The following NUBPL variants were observed in gnomAD, a reference collection of about 807,000 sequenced individuals.
NUBPL encodes the protein NUBP iron-sulfur cluster assembly factor, mitochondrial.
Under a neutral mutation model 45.7 loss-of-function variants are expected in NUBPL, and 31 were observed. The ratio of observed to expected loss-of-function variants is 0.68; its 90% CI spans 0.51 to 0.92. The LOEUF (loss-of-function observed/expected upper bound fraction) is 0.92, where lower values mean the gene tolerates loss of function less well. Among genes scored for constraint, NUBPL ranks in the 40% least tolerant of loss-of-function variants. The pLI is 0.00. For missense variants in NUBPL, 401 were observed against 398.7 expected, an observed-to-expected ratio of 1.01 and a Z score of -0.05; for synonymous variants, 144 against 140.9, an observed-to-expected ratio of 1.02 and a Z score of -0.15.
At chr14:31,640,959 C>G (rs1231022201) in intron 4 of NUBPL, among the ~76,000 whole-genome samples, 1 of 140,038 alleles carries the variant, frequency 7.1e-6, no homozygotes, top group Non-Finnish European at 1.6e-5. Flanking sequence ...TTTTGTTTTT[C>G]TTTTTGTTTT....
intron 3 of NUBPL, among the ~76,000 whole-genome samples, chr14:31,587,983 G>T (rs1280529353): frequency 6.6e-6 from 1 of 152,104 alleles, no homozygotes; most frequent in African/African-American, 2.4e-5. Context: ...TATTTTTCCT[G>T]CTTCCGTGCA....
intron 10 of NUBPL, among the ~76,000 whole-genome samples, chr14:31,857,591 C>T (rs2040644826): frequency 6.6e-6 from 1 of 152,170 alleles, no homozygotes; most frequent in African/African-American, 2.4e-5. Context: ...CTCTTGAATG[C>T]TTTGCTGCTT....
chr14:31,850,381 C>T (rs1171129744), intron 10 of NUBPL, among the ~76,000 whole-genome samples, 180 bp downstream of exon 10: 2 of 152,150 alleles, frequency 1.3e-5, no homozygotes, highest in Non-Finnish European at 2.9e-5. Context: ...CCAGTGCTGG[C>T]TCTAAATTAT....
chr14:31,805,797 T>C (rs1191459085), intron 7 of NUBPL, among the ~76,000 whole-genome samples: 2 of 149,184 alleles, frequency 1.3e-5, no homozygotes, highest in Non-Finnish European at 1.5e-5. Flanking sequence ...AAAAAGTAAC[T>C]ATTGGGTATT....
chr14:31,734,179 C>T (rs765105504), intron 6 of NUBPL, among the ~76,000 whole-genome samples: 10 of 152,046 alleles, frequency 6.6e-5, no homozygotes, highest in East Asian at 1.9e-4. Context: ...TCTATGTTCA[C>T]GGGTGATGTT....
Position 31,564,411 on chromosome 14 carries a change from A to G in NUBPL, c.257-603A>G, listed in dbSNP as rs543509490. Among the ~76,000 whole-genome samples, 15 of 151,466 alleles carry G rather than the reference A, an allele frequency of 9.9e-5. No individual in the cohort carries two copies. The East Asian group carries it at 2.9e-3, about 30-fold the overall frequency. Reference sequence around the variant, plus strand: ...TTTATTTTTAAAAGGCAGTAGGGGCAGGATGCGGTGGCTCATGCCTGTAAT... The same window carrying G: ...TTTATTTTTAAAAGGCAGTAGGGGCGGGATGCGGTGGCTCATGCCTGTAAT... On this transcript the variant is annotated intron_variant, in intron 2 of 10. Transcript: ENST00000281081.
At chr14:31,567,645 T>C (rs566397159) in intron 3 of NUBPL, among the ~76,000 whole-genome samples, 1 of 152,082 alleles carries the variant, frequency 6.6e-6, no homozygotes, top group Non-Finnish European at 1.5e-5. Flanking sequence ...CCACTTGCTG[T>C]TCCAAAAAAA....
intron 10 of NUBPL, among the ~76,000 whole-genome samples, chr14:31,851,810 A>C (rs2040542703): frequency 6.6e-6 from 1 of 152,230 alleles, no homozygotes; most frequent in Non-Finnish European, 1.5e-5. Flanking sequence ...GACATTTCAC[A>C]GTGATTCCTA....
At chr14:31,594,475 C>T (rs1222140445) in intron 3 of NUBPL, among the ~76,000 whole-genome samples, 3 of 152,172 alleles carry the variant, frequency 2.0e-5, no homozygotes, top group Admixed American at 1.3e-4. Flanking sequence ...CTTTTGAGAG[C>T]AGTTATAAAT....
chr14:31,664,929 T>C (rs554653763), intron 4 of NUBPL, among the ~76,000 whole-genome samples: 10 of 152,042 alleles, frequency 6.6e-5, no homozygotes, highest in African/African-American at 2.4e-4. Context: ...TATTGGTCTA[T>C]TCAGGTATTA....
chr14:31,854,315 T>C (rs192364633), intron 10 of NUBPL, among the ~76,000 whole-genome samples: 259 of 152,202 alleles, frequency 1.7e-3, no homozygotes, highest in African/African-American at 5.9e-3. Flanking sequence ...CTGTGTAGAG[T>C]TGATGAAAGA....
At chr14:31,822,280 CA>C (rs2040030728) in intron 7 of NUBPL, among the ~76,000 whole-genome samples, 2 of 152,006 alleles carry the variant, frequency 1.3e-5, no homozygotes, top group Non-Finnish European at 2.9e-5. Context: ...ATGCCTGTAT[CA>C]AAACATCTCA....
At chr14:31,813,711 G>C (rs928979312) in intron 7 of NUBPL, among the ~76,000 whole-genome samples, 5 of 152,024 alleles carry the variant, frequency 3.3e-5, no homozygotes, top group African/African-American at 1.2e-4. Context: ...ACAGACCCTG[G>C]TGTGTGATAT....
chr14:31,564,718 AT>A lies in NUBPL; in HGVS notation c.257-293del, dbSNP rs146494476. On this transcript the variant is annotated intron_variant, in intron 2 of 10. Transcript: ENST00000281081. Reference sequence around the variant, plus strand: ...ATGATTTTAAAAAATTAAGTGGATTATTTGAACAAAATTGTAACAGAAATGG... The same window carrying A: ...ATGATTTTAAAAAATTAAGTGGATTATTGAACAAAATTGTAACAGAAATGG... Among the ~76,000 whole-genome samples the A allele has an allele frequency of 0.023, 3,447 of 152,268 alleles. 56 individuals are homozygous for A. Among genetic ancestry groups the A allele is most frequent in the Non-Finnish European group, 0.03 (2,048 of 68,004 alleles).
intron 4 of NUBPL, among the ~76,000 whole-genome samples, chr14:31,637,067 G>A (rs1461505704): frequency 6.6e-6 from 1 of 151,990 alleles, no homozygotes; most frequent in African/African-American, 2.4e-5. Context: ...TTTTTTGAAG[G>A]GATTTTGTGT....
intron 4 of NUBPL, among the ~76,000 whole-genome samples, chr14:31,631,507 A>C (rs565457105): frequency 1.3e-5 from 2 of 151,510 alleles, no homozygotes; most frequent in African/African-American, 4.8e-5. Context: ...CCCACACACA[A>C]AGAGATTTAT....
chr14:31,605,324 T>G (rs2034555092), intron 4 of NUBPL, among the ~76,000 whole-genome samples: 2 of 152,312 alleles, frequency 1.3e-5, no homozygotes, highest in South Asian at 4.1e-4. Context: ...AAAAATCACT[T>G]TCAGAATACT....
chr14:31,605,452 T>A (rs961802316), intron 4 of NUBPL, among the ~76,000 whole-genome samples: 1 of 152,230 alleles, frequency 6.6e-6, no homozygotes, highest in African/African-American at 2.4e-5. Context: ...TCAAGTATTT[T>A]ATTGAGGATG....
At chr14:31,697,795 A>T (rs2037245267) in intron 6 of NUBPL, among the ~76,000 whole-genome samples, 1 of 152,220 alleles carries the variant, frequency 6.6e-6, no homozygotes, top group Admixed American at 6.5e-5. Context: ...GTGATAATTA[A>T]GAAGCCTTAA....
Sources: allele counts gnomAD v4.1 joint callset (sites outside exome capture counted in the v4.1 genomes callset), GRCh38; gene constraint gnomAD v4.1.1; transcripts MANE v1.5; gene names NCBI Gene and HGNC (gene_info 2026-07-23, HGNC 2026-07-21).